NSD2: variants seen among roughly 807,000 people sequenced by gnomAD.
NSD2 encodes histone-lysine N-methyltransferase NSD2.
In NSD2, 12 loss-of-function variants were observed where a neutral mutation model predicts 139.0. The observed-to-expected ratio is 0.09, with a 90% CI of 0.06 to 0.14. The LOEUF is 0.14. Ranked by LOEUF, NSD2 falls within the 10% of genes least tolerant of loss-of-function variation. The pLI is 1.00. For missense variants in NSD2, 1,155 were observed against 1,745.0 expected (o/e 0.66, Z 6.02); for synonymous variants, 669 against 648.7 (o/e 1.03, Z -0.48).
intron 1 of NSD2, among the ~76,000 whole-genome samples, chr4:1,872,591 TGAGAGAGAGAGAGAGAGAGAGAGA>T (rs1200688066): frequency 6.7e-5 from 3 of 44,894 alleles, no homozygotes; most frequent in East Asian, 1.3e-3. Flanking sequence ...TGTGTGTGTG[TGAGAGAGAGAGAGAGAGAGAGAGA>T]GAGAGAGAGA....
intron 3 of NSD2, chr4:1,912,060 A>G (rs1388810553): frequency 2.9e-6 from 1 of 344,934 alleles, no homozygotes; most frequent in East Asian, 9.2e-5. Context: ...GGAAGAAGTC[A>G]CAAATCCCTT....
rs373003169 is a variant in NSD2, at chr4:1,955,754, C to T, written c.2580C>T (p.Ile860=). The T allele has an allele frequency of 1.4e-5, 22 of 1,613,970 alleles. No individual in the cohort carries two copies. The East Asian group carries it at 3.3e-4, about 25-fold the overall frequency. ...CCTTCCACCCTGACTGCCTGAACATCGAGATGCCTGACGGCAGCTGGTTCT... is the reference window on the plus strand; with the variant it reads ...CCTTCCACCCTGACTGCCTGAACATTGAGATGCCTGACGGCAGCTGGTTCT... ...PAAFHPDCLN[I]EMPDGSWFCN... is the part of the protein sequence containing the mutation. The change falls in exon 14 of 22, where the codon ATC becomes ATT. Residue 860 remains isoleucine (I), a synonymous_variant. Coordinates refer to ENST00000508803, the MANE Select transcript of NSD2 (RefSeq NM_001042424.3). This position sits in a 1 kb window ranked among gnomAD's most constrained non-coding sequence, Gnocchi z 4.7.
chr4:1,911,812 A>G (rs918070569), intron 3 of NSD2, among the ~76,000 whole-genome samples: 4 of 152,172 alleles, frequency 2.6e-5, no homozygotes, highest in Non-Finnish European at 5.9e-5. Context: ...TAGATGGGAA[A>G]GAACTTCAGA....
intron 6 of NSD2, among the ~76,000 whole-genome samples, chr4:1,932,247 G>A (rs1467835718): frequency 1.3e-5 from 2 of 151,100 alleles, no homozygotes; most frequent in African/African-American, 2.4e-5. Flanking sequence ...GACCAGCCTG[G>A]CCAACATGGT....
intron 1 of NSD2, among the ~76,000 whole-genome samples, chr4:1,890,035 A>G (rs1031396433): frequency 3.9e-5 from 6 of 152,074 alleles, no homozygotes; most frequent in African/African-American, 1.2e-4. Context: ...TTCTGTCTTT[A>G]TGGATTTGCT....
chr4:1,939,866 C>T (rs2108897957), intron 9 of NSD2, 88 bp downstream of exon 9: 1 of 1,602,834 alleles, frequency 6.2e-7, no homozygotes, highest in Non-Finnish European at 8.5e-7. Context: ...GCTCAGACTT[C>T]ATAAGCGCAG....
rs1727621741 is a variant in NSD2 at position 1,980,214 on chromosome 4, C to T, written c.*1305C>T. 1 of 233,120 alleles carries T rather than the reference C, an allele frequency of 4.3e-6. No homozygotes were observed. Among genetic ancestry groups the T allele is most frequent in the South Asian group, 1.8e-4 (1 of 5,532 alleles). The allele number at this position is 233,120 out of a possible 1,614,324, so 14.4% of individuals were successfully genotyped here. On this transcript the variant is annotated 3_prime_UTR_variant, in exon 22 of 22. Transcript: ENST00000508803. ...ATTTCACTTTAGTTTTTAAAAGGTC[C>T]AGTTCTACAGAGTGAGACCTATCTA...
intron 18 of NSD2, 108 bp downstream of exon 18, chr4:1,961,259 T>G: frequency 2.4e-6 from 2 of 831,334 alleles, no homozygotes; most frequent in Non-Finnish European, 1.9e-6. Context: ...ATTTGTCTCC[T>G]TAGCTGCTTA....
At chr4:1,947,533 G>A in intron 9 of NSD2, 1 of 1,054,296 alleles carries the variant, frequency 9.5e-7, no homozygotes, top group East Asian at 5.3e-5. Context: ...AATAAAAATT[G>A]TTATGAACTA....
chr4:1,977,368 GC>G (rs1183398636), intron 21 of NSD2, among the ~76,000 whole-genome samples: 1 of 152,240 alleles, frequency 6.6e-6, no homozygotes, highest in Non-Finnish European at 1.5e-5. Flanking sequence ...AGACATCATG[GC>G]TCACACCTAA....
intron 1 of NSD2, among the ~76,000 whole-genome samples, chr4:1,882,422 T>C (rs370157885): frequency 6.6e-6 from 1 of 152,202 alleles, no homozygotes; most frequent in African/African-American, 2.4e-5. Context: ...CCCAGCACTT[T>C]GGGAGGCCGA....
rs928581134 is a variant in NSD2, at chr4:1,979,053, C to T, written c.*144C>T. ...TACAGGCCTCCTCGGGAGGGAGCGC[C>T]TCCCCACCACTGAGCCATCCTCAGC... On this transcript the variant is annotated 3_prime_UTR_variant, in exon 22 of 22. Transcript: ENST00000508803. 7 of 1,045,008 alleles carry T rather than the reference C, an allele frequency of 6.7e-6. No homozygotes were observed. The highest frequency in any genetic ancestry group is 2.1e-5 in the South Asian group (1 of 48,680). 64.7% of individuals were successfully genotyped at this position (1,045,008 alleles called of 1,614,324 possible). A position where few individuals can be genotyped will look rare whatever the true frequency, so the allele number is the denominator to read the frequency against.
In NSD2 at chr4:1,978,953, G is replaced by T. The variant is rs1435291493; in HGVS notation, c.*44G>T. ...CCGGATCCAGGGGCGGTGCAGGGCG[G>T]CCGGCCCTGCCTGCGGGAGAGGGCG... On this transcript the variant is annotated 3_prime_UTR_variant, in exon 22 of 22. Coordinates refer to ENST00000508803, the MANE Select transcript of NSD2 (RefSeq NM_001042424.3). The T allele has an allele frequency of 6.9e-7, 1 of 1,448,056 alleles. No individual in the cohort carries two copies. The highest frequency in any genetic ancestry group is 2.8e-5 in the Admixed American group (1 of 35,750). 89.7% of individuals were successfully genotyped at this position (1,448,056 alleles called of 1,614,324 possible).
chr4:1,918,123 CTCTT>C lies in NSD2; in HGVS notation c.928-16_928-13del, dbSNP rs1719645662. The C allele has an allele frequency of 1.3e-6, 2 of 1,598,396 alleles. No homozygotes were observed. Among genetic ancestry groups the C allele is most frequent in the African/African-American group, 1.4e-5 (1 of 73,428 alleles). On this transcript the variant is annotated splice_polypyrimidine_tract_variant and intron_variant, in intron 4 of 21. Coordinates refer to ENST00000508803, the MANE Select transcript of NSD2 (RefSeq NM_001042424.3). ...GTTTGTGTAGTGAAACTTACAGTGT[CTCTT>C]TTTTTTTTCCCAGCTATTGAAACCA...
At chr4:1,913,185 C>A (rs1253224919) in intron 3 of NSD2, among the ~76,000 whole-genome samples, 1 of 152,264 alleles carries the variant, frequency 6.6e-6, no homozygotes, top group Non-Finnish European at 1.5e-5. Context: ...AGCCCTCTGT[C>A]ACGCCCAGAC....
intron 2 of NSD2, among the ~76,000 whole-genome samples, chr4:1,903,775 C>T (rs1256571259): frequency 6.7e-6 from 1 of 149,238 alleles, no homozygotes; most frequent in African/African-American, 2.5e-5. Flanking sequence ...CGCCCTGTCG[C>T]CCAGGCTGGA....
chr4:1,879,596 A>G (rs1393042135), intron 1 of NSD2, among the ~76,000 whole-genome samples: 1 of 151,896 alleles, frequency 6.6e-6, no homozygotes, highest in Non-Finnish European at 1.5e-5. Flanking sequence ...TCTTTCTAGC[A>G]TCTTTGCTGG....
chr4:1,909,722 C>T (rs149319191), intron 3 of NSD2, among the ~76,000 whole-genome samples: 4,161 of 151,790 alleles, frequency 0.027, 194 homozygotes, highest in African/African-American at 0.096. Flanking sequence ...CTCACTGCAA[C>T]CTCCATTTCC....
chr4:1,892,670 G>A (rs959612087), intron 1 of NSD2: 2 of 152,000 alleles, frequency 1.3e-5, no homozygotes, highest in Admixed American at 6.6e-5. Flanking sequence ...TCGGGTTTGA[G>A]CGATTCTCCT....
Sources: allele counts gnomAD v4.1 joint callset (sites outside exome capture counted in the v4.1 genomes callset), GRCh38; gene constraint gnomAD v4.1.1; non-coding constraint Gnocchi (gnomAD v3.1); transcripts MANE v1.5; gene names NCBI Gene and HGNC (gene_info 2026-07-23, HGNC 2026-07-21).